Variants in GRAMD1B observed in about 807,000 individuals in gnomAD.
The protein encoded by GRAMD1B is protein Aster-B.
GRAMD1B carries 37 observed loss-of-function variants against 99.7 expected under a neutral mutation model. The ratio of observed to expected loss-of-function variants is 0.37; its 90% CI spans 0.29 to 0.49. The LOEUF (loss-of-function observed/expected upper bound fraction) is 0.49, where lower values mean the gene tolerates loss of function less well. GRAMD1B is among the 20% of genes least tolerant of loss of function. The probability of loss-of-function intolerance (pLI) is 0.98; values close to 1 mark genes in which losing one functional copy is unlikely to be tolerated. For missense variants in GRAMD1B, 888 were observed against 1,009.2 expected, an observed-to-expected ratio of 0.88 and a Z score of 1.63; for synonymous variants, 427 against 387.6, an observed-to-expected ratio of 1.10 and a Z score of -1.19.
In GRAMD1B at chr11:123,609,802, C is replaced by A. The variant is rs772568357; in HGVS notation, c.1665C>A (p.Ile555=). Reference sequence around the variant, plus strand: ...GCTCTCCTCTACCCTTAGATATCATCTTCCATCCATGGAAAAAGGAGGAGA... The same window carrying A: ...GCTCTCCTCTACCCTTAGATATCATATTCCATCCATGGAAAAAGGAGGAGA... ...FMEQRRFSDI[I]FHPWKKEENG... is the part of the protein sequence containing the mutation. The change falls in exon 13 of 20, where the codon ATC becomes ATA. Residue 555 remains isoleucine, a synonymous_variant. Coordinates refer to ENST00000635736, the MANE Select transcript of GRAMD1B (RefSeq NM_001387025.1). 9 of 1,560,404 alleles carry A rather than the reference C, an allele frequency of 5.8e-6. No individual in the cohort carries two copies. Among genetic ancestry groups the A allele is most frequent in the Non-Finnish European group, 7.9e-6 (9 of 1,138,814 alleles).
chr11:123,466,326 GA>G (rs1950658921), intron 1 of GRAMD1B, among the ~76,000 whole-genome samples: 1 of 138,906 alleles, frequency 7.2e-6, no homozygotes, highest in Non-Finnish European at 1.5e-5. Context: ...GAGAAAGAAA[GA>G]AAGAAAGAAG....
intron 3 of GRAMD1B, among the ~76,000 whole-genome samples, chr11:123,578,883 G>A (rs1949030566): frequency 6.6e-6 from 1 of 152,194 alleles, no homozygotes; most frequent in Non-Finnish European, 1.5e-5. Context: ...CGCTGACTGG[G>A]GGGCAGGGGT....
Position 123,623,328 on chromosome 11 carries a change from T to C in GRAMD1B, c.*733T>C, listed in dbSNP as rs1361863845. ...GGGAATTTCTTACTTTCCCACCCGC[T>C]TTCTCTCTGGTCTTCTCCCAGGCTG... On this transcript the variant is annotated 3_prime_UTR_variant, in exon 20 of 20. Transcript: ENST00000635736. The C allele has an allele frequency of 6.6e-6, 1 of 152,216 alleles. No individual in the cohort carries two copies. Among genetic ancestry groups the C allele is most frequent in the Non-Finnish European group, 1.5e-5 (1 of 68,060 alleles). 9.4% of individuals were successfully genotyped at this position (152,216 alleles called of 1,614,324 possible). A position where few individuals can be genotyped will look rare whatever the true frequency, so the allele number is the denominator to read the frequency against.
intron 17 of GRAMD1B, among the ~76,000 whole-genome samples, chr11:123,617,169 C>CTTTTTTTTTTTTTTTTTTTTTTTT (rs34788392): frequency 7.5e-6 from 1 of 133,684 alleles, no homozygotes; most frequent in Non-Finnish European, 1.6e-5. Flanking sequence ...TCTTTCTTTC[C>CTTTTTTTTTTTTTTTTTTTTTTTT]TTTTTTTTTT....
intron 1 of GRAMD1B, among the ~76,000 whole-genome samples, chr11:123,393,223 G>A (rs1315621690): frequency 1.3e-5 from 2 of 152,194 alleles, no homozygotes; most frequent in Non-Finnish European, 2.9e-5. Flanking sequence ...AGTTATTAGG[G>A]AAAGTGCTGG....
intron 1 of GRAMD1B, among the ~76,000 whole-genome samples, chr11:123,397,348 A>G (rs1947502212): frequency 6.6e-6 from 1 of 152,162 alleles, no homozygotes; most frequent in Admixed American, 6.5e-5. Context: ...TTTGCAGTGC[A>G]GTGAGCTGAG....
intron 1 of GRAMD1B, among the ~76,000 whole-genome samples, chr11:123,388,121 C>G (rs1304194875): frequency 7.7e-6 from 1 of 129,354 alleles, no homozygotes; most frequent in Non-Finnish European, 1.6e-5. Flanking sequence ...AGCGAGACTC[C>G]TCCTCCTCAA....
At chr11:123,374,324 C>G (rs2135749168) in intron 1 of GRAMD1B, among the ~76,000 whole-genome samples, 1 of 152,276 alleles carries the variant, frequency 6.6e-6, no homozygotes, top group Non-Finnish European at 1.5e-5. Flanking sequence ...AATGGTAATG[C>G]AAAATAGACA....
rs189307857 is a variant in GRAMD1B, at chr11:123,593,365, T to G, written c.685-717T>G. On this transcript the variant is annotated intron_variant, in intron 4 of 19. Transcript: ENST00000635736. ...GCAGTTTCTGGGTATCATGTTGCAGTGGGGGGAAGTGAGCACAGGACCAGG... is the reference window on the plus strand; with the variant it reads ...GCAGTTTCTGGGTATCATGTTGCAGGGGGGGGAAGTGAGCACAGGACCAGG... Among the ~76,000 whole-genome samples the G allele has an allele frequency of 4.1e-3, 626 of 152,086 alleles. 4 individuals are homozygous for G. Among genetic ancestry groups the G allele is most frequent in the South Asian group, 0.014 (68 of 4,814 alleles).
In GRAMD1B at chr11:123,610,365, G is replaced by T; in HGVS notation, c.1919+27G>T. The stretch of plus-strand genomic sequence containing the variant: ...TGTGGTGTGTGGAAGTCCCAGTGCG[G>T]TCAGACGGGGGTCCTTACCTTAGAG... On this transcript the variant is annotated intron_variant, in intron 14 of 19. Coordinates refer to ENST00000635736, the MANE Select transcript of GRAMD1B (RefSeq NM_001387025.1). This position sits in a 1 kb window ranked among gnomAD's most constrained non-coding sequence, Gnocchi z 4.1. 2 of 1,611,512 alleles carry T rather than the reference G, an allele frequency of 1.2e-6. No homozygotes were observed. Among genetic ancestry groups the T allele is most frequent in the Non-Finnish European group, 1.7e-6 (2 of 1,177,816 alleles).
chr11:123,433,837 A>AT (rs35588928), intron 1 of GRAMD1B, among the ~76,000 whole-genome samples: 73,447 of 151,832 alleles, frequency 0.48, 18,505 homozygotes, highest in East Asian at 0.81. Flanking sequence ...TGGAACCTTC[A>AT]TTTTGTTGGA....
chr11:123,443,621 A>C (rs916472762), intron 1 of GRAMD1B, among the ~76,000 whole-genome samples: 1 of 151,262 alleles, frequency 6.6e-6, no homozygotes, highest in Non-Finnish European at 1.5e-5. Context: ...GCTGGAGTGC[A>C]GTGGCACGAT....
chr11:123,361,867 AAGAG>A (rs1188398972), intron 1 of GRAMD1B, among the ~76,000 whole-genome samples: 2 of 152,214 alleles, frequency 1.3e-5, no homozygotes. Context: ...GAGAAAGAGA[AAGAG>A]AGAGAGAAAG....
intron 2 of GRAMD1B, among the ~76,000 whole-genome samples, chr11:123,571,001 G>A (rs1948011813): frequency 6.6e-6 from 1 of 152,194 alleles, no homozygotes; most frequent in Non-Finnish European, 1.5e-5. Flanking sequence ...GACTGGGAAT[G>A]CGCCAGGGCT....
intron 1 of GRAMD1B, among the ~76,000 whole-genome samples, chr11:123,375,945 T>A (rs1381065582): frequency 6.7e-6 from 1 of 148,720 alleles, no homozygotes; most frequent in Non-Finnish European, 1.5e-5. Context: ...AAAGGTAGAT[T>A]TTTTTTTTTC....
At chr11:123,360,385 G>A (rs1334334317) in intron 1 of GRAMD1B, among the ~76,000 whole-genome samples, 8 of 152,252 alleles carry the variant, frequency 5.3e-5, no homozygotes, top group South Asian at 2.1e-4. Flanking sequence ...GTGTTTGCCC[G>A]AAGGCTCTTT....
chr11:123,403,573 T>C (rs12290808), intron 1 of GRAMD1B, among the ~76,000 whole-genome samples: 87,867 of 151,238 alleles, frequency 0.58, 28,566 homozygotes, highest in African/African-American at 0.9. Context: ...GACAGAGTCT[T>C]ACTCCATCAC....
At position 123,613,237 on chromosome 11, in the gene GRAMD1B, T is replaced by C. The variant is rs1186678230; in HGVS notation, c.2024-218T>C. 6.9e-6 allele frequency: 4 copies of C among 580,584 alleles called. No homozygotes were observed. In the Admixed American group the frequency reaches 9.0e-5, roughly 13 times the overall value. 36.0% of individuals were successfully genotyped at this position (580,584 alleles called of 1,614,324 possible). On this transcript the variant is annotated intron_variant, in intron 15 of 19. Coordinates refer to ENST00000635736, the MANE Select transcript of GRAMD1B (RefSeq NM_001387025.1). Reference sequence around the variant, plus strand: ...AATTGTATACATGAGGGTGCAGATATTGGGAACATATGGTTCCTTGCAATG... The same window carrying C: ...AATTGTATACATGAGGGTGCAGATACTGGGAACATATGGTTCCTTGCAATG...
At chr11:123,517,161 C>G (rs560883178) in intron 2 of GRAMD1B, among the ~76,000 whole-genome samples, 1 of 152,190 alleles carries the variant, frequency 6.6e-6, no homozygotes, top group Admixed American at 6.5e-5. Context: ...CTCAAATGAT[C>G]CACCTGTCTC....
Sources: allele counts gnomAD v4.1 joint callset (sites outside exome capture counted in the v4.1 genomes callset), GRCh38; gene constraint gnomAD v4.1.1; non-coding constraint Gnocchi (gnomAD v3.1); transcripts MANE v1.5; gene names NCBI Gene and HGNC (gene_info 2026-07-23, HGNC 2026-07-21).